Variants in GLRB observed in about 807,000 individuals in gnomAD.
GLRB encodes glycine receptor subunit beta.
GLRB carries 33 observed loss-of-function variants against 54.2 expected under a neutral mutation model. The observed-to-expected ratio is 0.61, with a 90% CI of 0.46 to 0.81. GLRB has a LOEUF of 0.81. Among genes scored for constraint, GLRB ranks in the 40% least tolerant of loss-of-function variants. GLRB has a pLI of 0.00. For synonymous variants in GLRB, 209 were observed against 208.2 expected, an observed-to-expected ratio of 1.00 and a Z score of -0.03; for missense variants, 572 against 584.6, an observed-to-expected ratio of 0.98 and a Z score of 0.22.
intron 9 of GLRB, among the ~76,000 whole-genome samples, chr4:157,161,620 G>A (rs965632621): frequency 1.3e-5 from 2 of 152,168 alleles, no homozygotes; most frequent in Admixed American, 6.5e-5. Flanking sequence ...GAAATTCTGA[G>A]TTGAAAATTC....
At chr4:157,167,326 T>A (rs976400133) in intron 9 of GLRB, among the ~76,000 whole-genome samples, 11 of 152,220 alleles carry the variant, frequency 7.2e-5, no homozygotes, top group African/African-American at 2.7e-4. Flanking sequence ...AGATAGTGAG[T>A]TACTCTTTAC....
In GLRB at chr4:157,121,202, G is replaced by A. The variant is rs1220273603; in HGVS notation, c.229+540G>A. Among the ~76,000 whole-genome samples the A allele has an allele frequency of 4.6e-5, 7 of 151,788 alleles. No individual in the cohort carries two copies. The East Asian group carries it at 1.2e-3, about 25-fold the overall frequency. On this transcript the variant is annotated intron_variant, in intron 3 of 9. Coordinates refer to ENST00000264428, the MANE Select transcript of GLRB (RefSeq NM_000824.5). ...AAGCATGTTAGCTTTGTGAATAAAAGTGATTACGTAGTCCACAACATAGAT... is the reference window on the plus strand; with the variant it reads ...AAGCATGTTAGCTTTGTGAATAAAAATGATTACGTAGTCCACAACATAGAT...
At chr4:157,105,309 TTCAACATGTG>T (rs1165281556) in intron 2 of GLRB, among the ~76,000 whole-genome samples, 3 of 152,028 alleles carry the variant, frequency 2.0e-5, no homozygotes, top group African/African-American at 7.2e-5. Flanking sequence ...ATGTGTTAAT[TTCAACATGTG>T]TCAACTTTTC....
intron 4 of GLRB, among the ~76,000 whole-genome samples, chr4:157,132,094 A>T (rs1471384005): frequency 6.6e-6 from 1 of 151,844 alleles, no homozygotes; most frequent in Non-Finnish European, 1.5e-5. Flanking sequence ...GATTTTGGCC[A>T]TTCAAATAGG....
intron 3 of GLRB, among the ~76,000 whole-genome samples, 197 bp downstream of exon 3, chr4:157,120,859 C>G (rs1277113074): frequency 6.6e-6 from 1 of 151,560 alleles, no homozygotes; most frequent in Non-Finnish European, 1.5e-5. Flanking sequence ...AATATGAATT[C>G]TAATTGTTTT....
intron 2 of GLRB, among the ~76,000 whole-genome samples, chr4:157,105,642 GCC>G (rs1735194700): frequency 6.6e-6 from 1 of 151,930 alleles, no homozygotes; most frequent in Non-Finnish European, 1.5e-5. Flanking sequence ...TTGTATTGCA[GCC>G]TATTACTCTT....
At chr4:157,076,318 T>C (rs1192499068) in intron 1 of GLRB, 21 bp downstream of exon 1, 1 of 151,466 alleles carries the variant, frequency 6.6e-6, no homozygotes, top group Non-Finnish European at 1.5e-5. Context: ...GGAGCTCCAC[T>C]TAGGAGGAGG....
At chr4:157,112,252 A>G (rs557162317) in intron 2 of GLRB, among the ~76,000 whole-genome samples, 1 of 152,092 alleles carries the variant, frequency 6.6e-6, no homozygotes, top group Admixed American at 6.6e-5. Context: ...AGCTGAATCC[A>G]ATCTGTTTCC....
intron 2 of GLRB, among the ~76,000 whole-genome samples, chr4:157,086,161 G>A (rs2343770): frequency 0.17 from 25,868 of 152,056 alleles, 2,315 homozygotes; most frequent in East Asian, 0.28. Flanking sequence ...CTTATCTGCC[G>A]TTGTTCCTAA....
chr4:157,135,535 T>C lies in GLRB; in HGVS notation c.298-934T>C, dbSNP rs189876626. On this transcript the variant is annotated intron_variant, in intron 4 of 9. Transcript: ENST00000264428. ...GGTTTTATAAAGGAGAGTTCCCCTG[T>C]ACGTGCTGTCTTGCCTGCCACCATG... Among the ~76,000 whole-genome samples the C allele has an allele frequency of 1.6e-3, 245 of 152,238 alleles. 1 individual carries two copies. The highest frequency in any genetic ancestry group is 5.2e-3 in the Admixed American group (79 of 15,264).
chr4:157,150,864 T>C (rs185549807), intron 8 of GLRB, among the ~76,000 whole-genome samples: 12 of 152,132 alleles, frequency 7.9e-5, no homozygotes, highest in Admixed American at 6.5e-4. Context: ...TTCATTTCCT[T>C]ATACTTTGTT....
chr4:157,093,393 T>G (rs1248817965), intron 2 of GLRB, among the ~76,000 whole-genome samples: 3 of 152,196 alleles, frequency 2.0e-5, no homozygotes, highest in Non-Finnish European at 4.4e-5. Flanking sequence ...TGTATGCATA[T>G]GTATTCATCT....
At chr4:157,122,183 G>A (rs1240651288) in intron 3 of GLRB, 147 bp from the exon 4 acceptor site, 4 of 369,338 alleles carry the variant, frequency 1.1e-5, no homozygotes, top group African/African-American at 2.1e-5. Flanking sequence ...TAGCAATTAT[G>A]AACATGTTAT....
At chr4:157,130,418 G>A (rs1033465816) in intron 4 of GLRB, among the ~76,000 whole-genome samples, 6 of 151,476 alleles carry the variant, frequency 4.0e-5, no homozygotes, top group African/African-American at 1.5e-4. Context: ...AGCCCTTTAA[G>A]TGCTTACCCT....
intron 2 of GLRB, among the ~76,000 whole-genome samples, chr4:157,097,009 T>C (rs1374113989): frequency 1.3e-5 from 2 of 152,186 alleles, no homozygotes; most frequent in African/African-American, 4.8e-5. Flanking sequence ...GGTTTTAAGT[T>C]TTAGTTTGTA....
At chr4:157,165,267 G>T (rs1163497386) in intron 9 of GLRB, among the ~76,000 whole-genome samples, 2 of 151,940 alleles carry the variant, frequency 1.3e-5, no homozygotes, top group Non-Finnish European at 2.9e-5. Flanking sequence ...TATAAAAGTA[G>T]AAATTTATAA....
chr4:157,081,755 A>C (rs541785218), intron 2 of GLRB, among the ~76,000 whole-genome samples: 2 of 152,174 alleles, frequency 1.3e-5, no homozygotes, highest in South Asian at 4.2e-4. Flanking sequence ...TCCTCCATTA[A>C]TTTATATGCC....
intron 2 of GLRB, among the ~76,000 whole-genome samples, chr4:157,090,939 A>T (rs1734587144): frequency 6.6e-6 from 1 of 152,204 alleles, no homozygotes; most frequent in Non-Finnish European, 1.5e-5. Flanking sequence ...CAAATAGAGT[A>T]GTGTTTCTCA....
At chr4:157,082,816 A>C (rs959462232) in intron 2 of GLRB, among the ~76,000 whole-genome samples, 5 of 152,220 alleles carry the variant, frequency 3.3e-5, no homozygotes, top group Admixed American at 6.5e-5. Flanking sequence ...TGAAGGGCTA[A>C]ATGAGATAGG....
Sources: allele counts gnomAD v4.1 joint callset (sites outside exome capture counted in the v4.1 genomes callset), GRCh38; gene constraint gnomAD v4.1.1; transcripts MANE v1.5; gene names NCBI Gene and HGNC (gene_info 2026-07-23, HGNC 2026-07-21).